Variants in PACRG observed in about 807,000 individuals in gnomAD.
The protein encoded by PACRG is parkin coregulated gene protein.
Under a neutral mutation model 29.7 loss-of-function variants are expected in PACRG, and 29 were observed. The observed-to-expected ratio is 0.98, with a 90% CI of 0.73 to 1.33. The LOEUF (loss-of-function observed/expected upper bound fraction) is 1.33, where lower values mean the gene tolerates loss of function less well. Among genes scored for constraint, PACRG ranks in the 40% most tolerant of loss-of-function variants. The probability of loss-of-function intolerance (pLI) is 0.00; values close to 1 mark genes in which losing one functional copy is unlikely to be tolerated. For missense variants in PACRG, 279 were observed against 316.2 expected, an observed-to-expected ratio of 0.88 and a Z score of 0.89; for synonymous variants, 116 against 118.7, an observed-to-expected ratio of 0.98 and a Z score of 0.15.
chr6:163,179,394 T>A (rs1216827961), intron 4 of PACRG: 12 of 216,572 alleles, frequency 5.5e-5, no homozygotes, highest in Non-Finnish European at 7.6e-5. Context: ...TTCTTTAAAT[T>A]AAAAAAAAAA....
At chr6:162,743,614 C>T (rs1562552258) in intron 1 of PACRG, among the ~76,000 whole-genome samples, 1 of 151,954 alleles carries the variant, frequency 6.6e-6, no homozygotes, top group Non-Finnish European at 1.5e-5. Context: ...CTTATTTCTA[C>T]TCTCACATAT....
chr6:163,220,065 A>G (rs1781517513), intron 4 of PACRG, among the ~76,000 whole-genome samples: 3 of 152,200 alleles, frequency 2.0e-5, no homozygotes, highest in Admixed American at 2.0e-4. Context: ...TCTCCCTAGC[A>G]TGTGAGCCCC....
intron 3 of PACRG, among the ~76,000 whole-genome samples, chr6:163,072,987 C>T (rs111732356): frequency 0.021 from 3,215 of 152,076 alleles, 54 homozygotes; most frequent in Non-Finnish European, 0.034. Flanking sequence ...TTTATGTTCA[C>T]GAATTGGAAG....
In PACRG at chr6:162,761,635, G is replaced by T. The variant is rs79075409; in HGVS notation, c.156+33244G>T. Among the ~76,000 whole-genome samples, 739 of 152,178 alleles carry T rather than the reference G, an allele frequency of 4.9e-3. 30 individuals carry two copies. In the East Asian group the frequency reaches 0.085, roughly 17 times the overall value. ...TGCTGAAGATAAAACACCCAGTAGAGTGAATTTCAAAACCTGAGTGAGGCT... is the reference window on the plus strand; with the variant it reads ...TGCTGAAGATAAAACACCCAGTAGATTGAATTTCAAAACCTGAGTGAGGCT... On this transcript the variant is annotated intron_variant, in intron 1 of 4. Transcript: ENST00000366888.
chr6:162,944,387 C>A (rs528989700), intron 2 of PACRG, among the ~76,000 whole-genome samples: 1 of 152,144 alleles, frequency 6.6e-6, no homozygotes, highest in South Asian at 2.1e-4. Flanking sequence ...GTGCACATAT[C>A]AATGTAAGGA....
intron 2 of PACRG, among the ~76,000 whole-genome samples, chr6:163,030,351 G>A (rs763695654): frequency 2.0e-5 from 3 of 151,930 alleles, no homozygotes; most frequent in South Asian, 2.1e-4. Context: ...AAATTCTATC[G>A]AGATACAGTA....
At chr6:162,864,376 A>AT (rs996261054) in intron 2 of PACRG, among the ~76,000 whole-genome samples, 8 of 152,260 alleles carry the variant, frequency 5.3e-5, no homozygotes, top group African/African-American at 1.4e-4. Context: ...ATACTTATTC[A>AT]TTCCATACCT....
intron 4 of PACRG, among the ~76,000 whole-genome samples, chr6:163,197,123 C>CT: frequency 6.6e-6 from 1 of 152,168 alleles, no homozygotes; most frequent in Admixed American, 6.5e-5. Flanking sequence ...TTCAAGATAA[C>CT]TTTTTTCTGC....
At chr6:162,797,434 G>A (rs2128336177) in intron 1 of PACRG, among the ~76,000 whole-genome samples, 1 of 152,228 alleles carries the variant, frequency 6.6e-6, no homozygotes, top group South Asian at 2.1e-4. Flanking sequence ...ACATTGAACT[G>A]GAAACACGAA....
intron 3 of PACRG, among the ~76,000 whole-genome samples, chr6:163,068,298 A>C (rs1562884589): frequency 6.6e-6 from 1 of 152,134 alleles, no homozygotes; most frequent in Non-Finnish European, 1.5e-5. Flanking sequence ...CTTTGTTGAA[A>C]ACCCTTTTCA....
In PACRG at chr6:162,962,617, G is replaced by A. The variant is rs1248124269; in HGVS notation, c.292-99533G>A. On this transcript the variant is annotated intron_variant, in intron 2 of 4. Coordinates refer to ENST00000366888, the MANE Select transcript of PACRG (RefSeq NM_001080379.2). Reference sequence around the variant, plus strand: ...TCTTACCACCAGGTGAGGACACAGGGAGAAGGCAGCTGTCATCAAGCCAGG... The same window carrying A: ...TCTTACCACCAGGTGAGGACACAGGAAGAAGGCAGCTGTCATCAAGCCAGG... Among the ~76,000 whole-genome samples, 8 of 152,290 alleles carry A rather than the reference G, an allele frequency of 5.3e-5. No individual in the cohort carries two copies. The South Asian group carries it at 1.7e-3, about 32-fold the overall frequency.
chr6:162,958,878 TATATATAGAG>T (rs1483487000), intron 2 of PACRG, among the ~76,000 whole-genome samples: 22 of 20,150 alleles, frequency 1.1e-3, no homozygotes, highest in Middle Eastern at 0.031. Flanking sequence ...TATATATATA[TATATATAGAG>T]AGAGAGAGAG....
intron 2 of PACRG, among the ~76,000 whole-genome samples, chr6:162,825,776 C>T (rs552715697): frequency 2.6e-5 from 4 of 152,086 alleles, no homozygotes; most frequent in East Asian, 1.9e-4. Context: ...CTTTCAGGTT[C>T]GTCTCTGCAG....
In PACRG at chr6:162,777,124, C is replaced by A. The variant is rs548859330; in HGVS notation, c.157-37023C>A. On this transcript the variant is annotated intron_variant, in intron 1 of 4. Transcript: ENST00000366888. The surrounding 1 kb of genome is among the most constrained non-coding windows in gnomAD (Gnocchi z 4.0). Reference sequence around the variant, plus strand: ...AAATAGCTAGCATTAAATCAACCAACTATTTCTCTGGGTGAATGTTCTGTC... The same window carrying A: ...AAATAGCTAGCATTAAATCAACCAAATATTTCTCTGGGTGAATGTTCTGTC... Among the ~76,000 whole-genome samples, 1 of 152,344 alleles carries A rather than the reference C, an allele frequency of 6.6e-6. No individual in the cohort carries two copies. Among genetic ancestry groups the A allele is most frequent in the South Asian group, 2.1e-4 (1 of 4,828 alleles).
At chr6:163,181,943 A>G (rs1334796015) in intron 4 of PACRG, among the ~76,000 whole-genome samples, 1 of 152,154 alleles carries the variant, frequency 6.6e-6, no homozygotes, top group Non-Finnish European at 1.5e-5. Context: ...CAGCTTTGTC[A>G]TTGACCGTTC....
intron 2 of PACRG, among the ~76,000 whole-genome samples, chr6:162,834,306 A>G (rs1458034191): frequency 6.6e-6 from 1 of 152,188 alleles, no homozygotes; most frequent in Non-Finnish European, 1.5e-5. Context: ...TTAATTAGAC[A>G]TTAAAATATC....
intron 1 of PACRG, among the ~76,000 whole-genome samples, chr6:162,781,787 A>C (rs1157752159): frequency 6.6e-6 from 1 of 151,864 alleles, no homozygotes; most frequent in Non-Finnish European, 1.5e-5. Flanking sequence ...AAGCCAAAAA[A>C]GGATATAAAA....
At chr6:162,815,594 T>A (rs955839502) in intron 2 of PACRG, among the ~76,000 whole-genome samples, 4 of 151,772 alleles carry the variant, frequency 2.6e-5, no homozygotes, top group Non-Finnish European at 4.4e-5. Flanking sequence ...AACATTATTA[T>A]CTCCTTTATA....
intron 2 of PACRG, among the ~76,000 whole-genome samples, chr6:162,958,271 A>G (rs1800220229): frequency 1.3e-5 from 2 of 152,164 alleles, no homozygotes; most frequent in South Asian, 2.1e-4. Context: ...AAAATAATGA[A>G]TTTCAAATAT....
Sources: gnomAD v4.1 joint callset for allele counts (sites outside exome capture counted in the v4.1 genomes callset) on GRCh38, gnomAD v4.1.1 for gene constraint, Gnocchi (gnomAD v3.1) non-coding constraint, MANE v1.5 for transcripts, NCBI Gene and HGNC (gene_info 2026-07-23, HGNC 2026-07-21) for gene names.